The following VCL variants were observed in gnomAD, a reference collection of about 807,000 sequenced individuals.
VCL encodes vinculin.
VCL carries 47 observed loss-of-function variants against 125.7 expected under a neutral mutation model. The observed-to-expected ratio is 0.37, with a 90% CI of 0.30 to 0.48. VCL has a LOEUF of 0.48. Among genes scored for constraint, VCL ranks in the 20% least tolerant of loss-of-function variants. The probability of loss-of-function intolerance (pLI) is 0.99; values close to 1 mark genes in which losing one functional copy is unlikely to be tolerated. For synonymous variants in VCL, 458 were observed against 514.6 expected (o/e 0.89, Z 1.49); for missense variants, 1,069 against 1,455.5 (o/e 0.73, Z 4.32).
At position 74,103,800 on chromosome 10, in the gene VCL, A is replaced by C; in HGVS notation, c.2023-20A>C. The C allele has an allele frequency of 6.2e-7, 1 of 1,610,178 alleles. No individual in the cohort carries two copies. Among genetic ancestry groups the C allele is most frequent in the Non-Finnish European group, 8.5e-7 (1 of 1,176,444 alleles). On this transcript the variant is annotated intron_variant, in intron 14 of 21. Transcript: ENST00000211998. ...AGAGCAAGGGTGCTCTGGTGTTTAA[A>C]GGTGTTTTGTCATTGTCAGGTGGTC...
chr10:74,092,277 C>T lies in VCL; in HGVS notation c.1353-1994C>T, dbSNP rs565868855. 3.3e-5 allele frequency among the ~76,000 whole-genome samples: 5 copies of T among 152,040 alleles called. No homozygotes were observed. In the South Asian group the frequency reaches 1.0e-3, roughly 32 times the overall value. ...AGTTACCTTTCTATGGCTGAGAGGA[C>T]CTGAGATGGAAAATGAGTCAGATTC... On this transcript the variant is annotated intron_variant, in intron 10 of 21. Transcript: ENST00000211998.
intron 1 of VCL, among the ~76,000 whole-genome samples, chr10:74,042,325 A>G (rs1841109028): frequency 6.6e-6 from 1 of 152,220 alleles, no homozygotes; most frequent in African/African-American, 2.4e-5. Context: ...CATCTTAGTG[A>G]ATACTTTTGT....
At chr10:74,022,893 G>A (rs1213504987) in intron 1 of VCL, among the ~76,000 whole-genome samples, 6 of 151,914 alleles carry the variant, frequency 3.9e-5, no homozygotes, top group Non-Finnish European at 8.8e-5. Context: ...CACCTGCCTC[G>A]GCCTCCCAAA....
chr10:74,008,179 C>T lies in VCL; in HGVS notation c.168+9804C>T, dbSNP rs141098191. On this transcript the variant is annotated intron_variant, in intron 1 of 21. Coordinates refer to ENST00000211998, the MANE Select transcript of VCL (RefSeq NM_014000.3). ...ACATATAATATTAGGAATTATCGTA[C>T]AGTGAATATTTCCCATCCCCAGCTG... Among the ~76,000 whole-genome samples, 243 of 152,278 alleles carry T rather than the reference C, an allele frequency of 1.6e-3. 1 individual carries two copies. Among genetic ancestry groups the T allele is most frequent in the Non-Finnish European group, 2.6e-3 (174 of 68,026 alleles).
chr10:74,074,769 A>T lies in VCL; in HGVS notation c.649A>T (p.Asn217Tyr). 1 of 1,613,376 alleles carries T rather than the reference A, an allele frequency of 6.2e-7. No individual in the cohort carries two copies. The highest frequency in any genetic ancestry group is 8.5e-7 in the Non-Finnish European group (1 of 1,179,868). ...SAMKIFVTTKNSKNQGIEEAL... is the reference protein window; with the variant it reads ...SAMKIFVTTKYSKNQGIEEAL... ...TATGAAGATTTTTGTAACAACTAAA[A>T]ACTCAAAAAACCAAGGCATAGAGGA... is the stretch of plus-strand genomic sequence containing the variant. Residue 217 changes from asparagine (N) to tyrosine (Y), a missense_variant, in exon 6 of 22, where the codon AAC becomes TAC. By Grantham distance (143) the Asn-to-Tyr change is moderately radical. Transcript: ENST00000211998.
chr10:74,006,732 T>G, intron 1 of VCL, among the ~76,000 whole-genome samples: 1 of 152,218 alleles, frequency 6.6e-6, no homozygotes, highest in East Asian at 1.9e-4. Context: ...TAAAATTACC[T>G]TCATGCTATG....
chr10:74,032,170 G>A (rs923340997), intron 1 of VCL, among the ~76,000 whole-genome samples: 13 of 145,758 alleles, frequency 8.9e-5, no homozygotes, highest in Middle Eastern at 3.5e-3. Flanking sequence ...GCCTGAAGAG[G>A]TAGAGGCTGT....
At chr10:74,035,774 G>C (rs1194530690) in intron 1 of VCL, among the ~76,000 whole-genome samples, 1 of 152,214 alleles carries the variant, frequency 6.6e-6, no homozygotes, top group Admixed American at 6.5e-5. Flanking sequence ...GTATCTGTGG[G>C]TTCCACACTT....
chr10:74,028,069 G>A (rs1022313682), intron 1 of VCL, among the ~76,000 whole-genome samples: 1 of 151,884 alleles, frequency 6.6e-6, no homozygotes, highest in African/African-American at 2.4e-5. Flanking sequence ...AAGACTGAGG[G>A]TTTTTTTGTT....
chr10:74,111,571 CA>C (rs1412322681), intron 18 of VCL, among the ~76,000 whole-genome samples: 1 of 152,190 alleles, frequency 6.6e-6, no homozygotes, highest in African/African-American at 2.4e-5. Flanking sequence ...GAAATATTCT[CA>C]TGTGAGAATC....
chr10:74,120,264 T>TAAAG (rs941614996), downstream of VCL: 1 of 152,192 alleles, frequency 6.6e-6, no homozygotes, highest in Non-Finnish European at 1.5e-5. Flanking sequence ...ATCTGGAAAC[T>TAAAG]AAAGATTTTT....
At chr10:74,116,389 C>A (rs999166262) in intron 21 of VCL, among the ~76,000 whole-genome samples, 1 of 152,156 alleles carries the variant, frequency 6.6e-6, no homozygotes. Context: ...GTGATCTCTT[C>A]TGTCCAAAGA....
intron 10 of VCL, among the ~76,000 whole-genome samples, chr10:74,091,791 CAAAAA>C (rs545539526): frequency 1.3e-4 from 8 of 61,148 alleles, no homozygotes; most frequent in African/African-American, 3.2e-4. Context: ...TCTGTCTCAG[CAAAAA>C]AAAAAAAAAA....
chr10:74,012,432 A>G (rs1840452759), intron 1 of VCL, among the ~76,000 whole-genome samples: 1 of 152,244 alleles, frequency 6.6e-6, no homozygotes, highest in Non-Finnish European at 1.5e-5. Flanking sequence ...CCTAAAACAC[A>G]GATGAAATCA....
intron 1 of VCL, among the ~76,000 whole-genome samples, chr10:74,029,666 C>T (rs997810318): frequency 1.3e-5 from 2 of 152,200 alleles, no homozygotes; most frequent in Non-Finnish European, 2.9e-5. Context: ...CATGGTTCAT[C>T]TGCTGCCTAG....
intron 1 of VCL, among the ~76,000 whole-genome samples, chr10:74,021,961 T>A (rs1840676840): frequency 1.3e-5 from 2 of 152,198 alleles, no homozygotes; most frequent in African/African-American, 2.4e-5. Context: ...TTTCCATTAC[T>A]GCCAAGTAAA....
intron 2 of VCL, among the ~76,000 whole-genome samples, chr10:74,070,026 A>G (rs1217413894): frequency 6.6e-6 from 1 of 152,160 alleles, no homozygotes; most frequent in Non-Finnish European, 1.5e-5. Context: ...TTTTAACAAT[A>G]TATTTTCAAA....
rs1212772609 is a variant in VCL, at chr10:74,034,567, A to G, written c.169-8516A>G. ...ACTGCATTGCCTTATTTGTTTAAGC[A>G]TTTGTCAACGAACAACAAGGACTGA... On this transcript the variant is annotated intron_variant, in intron 1 of 21. Transcript: ENST00000211998. Among the ~76,000 whole-genome samples the G allele has an allele frequency of 2.0e-5, 3 of 152,256 alleles. No homozygotes were observed. The East Asian group carries it at 5.8e-4, about 29-fold the overall frequency.
chr10:74,056,203 G>A (rs535230989), intron 2 of VCL, among the ~76,000 whole-genome samples: 1 of 151,366 alleles, frequency 6.6e-6, no homozygotes, highest in African/African-American at 2.4e-5. Context: ...ATGGGTGTGT[G>A]TGTGTGTTTA....
Sources: allele counts gnomAD v4.1 joint callset (sites outside exome capture counted in the v4.1 genomes callset), GRCh38; gene constraint gnomAD v4.1.1; transcripts MANE v1.5; gene names NCBI Gene and HGNC (gene_info 2026-07-23, HGNC 2026-07-21).